NBAS: variants seen among roughly 807,000 people sequenced by gnomAD.
The protein encoded by NBAS is NAG/BC035112 fusion.
In NBAS, 219 loss-of-function variants were observed where a neutral mutation model predicts 302.5. That is an observed-to-expected ratio of 0.72 (90% CI 0.65 to 0.81). The LOEUF (loss-of-function observed/expected upper bound fraction) is 0.81, where lower values mean the gene tolerates loss of function less well. Ranked by LOEUF, NBAS falls within the 30% of genes least tolerant of loss-of-function variation. The probability of loss-of-function intolerance (pLI) is 0.00; values close to 1 mark genes in which losing one functional copy is unlikely to be tolerated. For synonymous variants in NBAS, 1,118 were observed against 1,021.6 expected, an observed-to-expected ratio of 1.09 and a Z score of -1.80; for missense variants, 2,932 against 2,841.6, an observed-to-expected ratio of 1.03 and a Z score of -0.72.
At chr2:15,072,163 G>A in the NBAS span, among the ~76,000 whole-genome samples, 1 of 152,222 alleles carries the variant, frequency 6.6e-6, no homozygotes, top group Non-Finnish European at 1.5e-5. Context: ...AGCAGTCTGT[G>A]AGAGTACCAG....
At chr2:15,104,144 C>G in the NBAS span, among the ~76,000 whole-genome samples, 1 of 152,244 alleles carries the variant, frequency 6.6e-6, no homozygotes, top group South Asian at 2.1e-4. Context: ...CTCATAAGAT[C>G]TGATGGTTTT....
intron 32 of NBAS, among the ~76,000 whole-genome samples, chr2:15,361,404 T>TC (rs1673917568): frequency 6.6e-6 from 1 of 151,872 alleles, no homozygotes; most frequent in African/African-American, 2.4e-5. Flanking sequence ...TCCCAGCTAC[T>TC]CGGGAGGCTG....
the NBAS span, among the ~76,000 whole-genome samples, chr2:14,814,848 T>C: frequency 1.3e-5 from 2 of 152,158 alleles, no homozygotes; most frequent in Non-Finnish European, 2.9e-5. Flanking sequence ...AATTGTGACC[T>C]TGAGTGTTGC....
At chr2:14,831,222 C>T in the NBAS span, among the ~76,000 whole-genome samples, 3 of 152,224 alleles carry the variant, frequency 2.0e-5, no homozygotes, top group South Asian at 4.2e-4. Context: ...AACATCATGC[C>T]TTTAAATCGT....
chr2:15,197,879 G>A (rs1665692988), intron 48 of NBAS, among the ~76,000 whole-genome samples: 1 of 152,150 alleles, frequency 6.6e-6, no homozygotes, highest in African/African-American at 2.4e-5. Context: ...AAAGTCAAAT[G>A]CTCTCCATGT....
chr2:15,072,488 G>C, the NBAS span, among the ~76,000 whole-genome samples: 1 of 151,522 alleles, frequency 6.6e-6, no homozygotes, highest in African/African-American at 2.4e-5. Flanking sequence ...TAGTATTGAA[G>C]ATTTTTAAAA....
the NBAS span, among the ~76,000 whole-genome samples, chr2:14,968,201 G>A: frequency 6.6e-6 from 1 of 152,074 alleles, no homozygotes; most frequent in Admixed American, 6.6e-5. Context: ...TTGGGTAAGG[G>A]GGCCCCATTC....
chr2:14,982,987 A>C, the NBAS span, among the ~76,000 whole-genome samples: 5 of 152,208 alleles, frequency 3.3e-5, no homozygotes, highest in African/African-American at 1.2e-4. Flanking sequence ...CGGGAGGAGT[A>C]GGTCACGGTG....
the NBAS span, among the ~76,000 whole-genome samples, chr2:15,156,323 G>C: frequency 5.9e-5 from 9 of 152,188 alleles, no homozygotes; most frequent in Admixed American, 1.3e-4. Context: ...GGGATAGGTT[G>C]TCAGGCACAG....
chr2:15,374,671 G>C lies in NBAS; in HGVS notation c.3640C>G (p.Leu1214Val), dbSNP rs148575737. The change falls in exon 31 of 52, where the codon CTA becomes GTA. Residue 1214 changes from leucine to valine, a missense_variant. Transcript: ENST00000281513. ...TDRPPAIQEE[L>V]DLIQAVGCLE... ...CATCCAACGGCTTGGATAAGATCTA[G>C]CTCCTCTTGAATGGCAGGGGGTCTG... The C allele has an allele frequency of 6.2e-7, 1 of 1,613,974 alleles. No individual in the cohort carries two copies. The highest frequency in any genetic ancestry group is 8.5e-7 in the Non-Finnish European group (1 of 1,179,874).
chr2:15,229,779 C>T lies in NBAS; in HGVS notation c.6236+2643G>A, dbSNP rs145101402. Among the ~76,000 whole-genome samples, 567 of 135,576 alleles carry T rather than the reference C, an allele frequency of 4.2e-3. 6 individuals carry two copies. Among genetic ancestry groups the T allele is most frequent in the African/African-American group, 0.015 (529 of 35,900 alleles). The allele number at this position is 135,576 out of a possible 152,430, so 88.9% of individuals were successfully genotyped here. On this transcript the variant is annotated intron_variant, in intron 47 of 51. Transcript: ENST00000281513. ...GCCTGGCCAACAAGAGCAAACTCCA[C>T]GTAAAAAAAAAAAAGAAAAGAAAAA...
intron 9 of NBAS, among the ~76,000 whole-genome samples, chr2:15,529,446 T>C (rs1663112340): frequency 1.3e-5 from 2 of 151,976 alleles, no homozygotes; most frequent in Admixed American, 6.6e-5. Flanking sequence ...TAAGCCAAAA[T>C]CACGCACTGG....
At chr2:14,876,612 A>C in the NBAS span, among the ~76,000 whole-genome samples, 2 of 152,232 alleles carry the variant, frequency 1.3e-5, no homozygotes. Flanking sequence ...TGGGAAATGG[A>C]TCTAATTTTC....
chr2:14,870,000 T>C, the NBAS span, among the ~76,000 whole-genome samples: 1 of 152,166 alleles, frequency 6.6e-6, no homozygotes, highest in East Asian at 1.9e-4. Context: ...AAAAACTGGG[T>C]TTACTTTTTT....
the NBAS span, among the ~76,000 whole-genome samples, chr2:14,967,716 TAATC>T: frequency 2.0e-5 from 3 of 152,194 alleles, no homozygotes; most frequent in Admixed American, 2.0e-4. Flanking sequence ...AAATTGGACT[TAATC>T]AAAATCAAAA....
the NBAS span, among the ~76,000 whole-genome samples, chr2:14,913,344 T>C: frequency 1.3e-5 from 2 of 152,116 alleles, no homozygotes; most frequent in Non-Finnish European, 2.9e-5. Context: ...GGGCTTCCTC[T>C]AGAAGTATCT....
At chr2:15,374,530 T>C in intron 31 of NBAS, 78 bp downstream of exon 31, 1 of 1,277,924 alleles carries the variant, frequency 7.8e-7, no homozygotes, top group Non-Finnish European at 1.1e-6. Flanking sequence ...ACTCTTTAGT[T>C]TTAAAAACTA....
At position 15,186,814 on chromosome 2, in the gene NBAS, C is replaced by T. The variant is rs999719087; in HGVS notation, c.6639G>A (p.Lys2213=). 6.2e-7 allele frequency: 1 copy of T among 1,613,808 alleles called. No individual in the cohort carries two copies. The highest frequency in any genetic ancestry group is 8.5e-7 in the Non-Finnish European group (1 of 1,179,974). ...VMLTRCTMEN[K]EGLGNEVLKM... is the part of the protein sequence containing the mutation. ...TCAAAACTTCATTCCCCAATCCTTC[C>T]TTGTTCTCCATCGTACATCTGGTTA... The change falls in exon 50 of 52, where the codon AAG becomes AAA. Residue 2213 remains lysine (K), a synonymous_variant. Coordinates refer to ENST00000281513, the MANE Select transcript of NBAS (RefSeq NM_015909.4).
chr2:15,493,170 C>T (rs1441383445), intron 11 of NBAS, among the ~76,000 whole-genome samples: 1 of 152,214 alleles, frequency 6.6e-6, no homozygotes, highest in Non-Finnish European at 1.5e-5. Flanking sequence ...TCCCCTTCAT[C>T]TTCCGCCATG....
Sources: gnomAD v4.1 joint callset for allele counts (sites outside exome capture counted in the v4.1 genomes callset) on GRCh38, gnomAD v4.1.1 for gene constraint, MANE v1.5 for transcripts, NCBI Gene and HGNC (gene_info 2026-07-23, HGNC 2026-07-21) for gene names.